Variants in OTOG observed in about 807,000 individuals in gnomAD.
OTOG encodes otogelin.
Under a neutral mutation model 313.8 loss-of-function variants are expected in OTOG, and 296 were observed. The ratio of observed to expected loss-of-function variants is 0.94; its 90% confidence interval spans 0.86 to 1.04. The LOEUF (loss-of-function observed/expected upper bound fraction) is 1.04, where lower values mean the gene tolerates loss of function less well. Ranked by LOEUF, OTOG falls within the 50% of genes least tolerant of loss-of-function variation. OTOG has a pLI of 0.00. For synonymous variants in OTOG, 1,533 were observed against 1,554.9 expected (o/e 0.99, Z 0.33); for missense variants, 3,948 against 3,840.1 (o/e 1.03, Z -0.74).
chr11:17,551,951 C>G, intron 3 of OTOG, 49 bp from the exon 4 acceptor site: 1 of 1,516,518 alleles, frequency 6.6e-7, no homozygotes, highest in South Asian at 1.2e-5. Flanking sequence ...CCTGGGAACC[C>G]GTCCTGAGGT....
intron 40 of OTOG, among the ~76,000 whole-genome samples, chr11:17,631,180 G>A (rs1267941331): frequency 6.6e-6 from 1 of 152,164 alleles, no homozygotes; most frequent in African/African-American, 2.4e-5. Flanking sequence ...TGACTGCCCA[G>A]GAAAAAGAAG....
chr11:17,623,988 G>A (rs1031165441), intron 39 of OTOG, among the ~76,000 whole-genome samples: 1 of 152,060 alleles, frequency 6.6e-6, no homozygotes, highest in Non-Finnish European at 1.5e-5. Context: ...AGTTTTTAAT[G>A]GGGTAGTTTG....
At position 17,593,531 on chromosome 11, in the gene OTOG, G is replaced by A. The variant is rs896412752; in HGVS notation, c.3142-79G>A. ...GTATGAGGGAGGCAGAGGCATTGGT[G>A]AGGGCCTGGCTGCAGGCATAGCTGA... is the stretch of plus-strand genomic sequence containing the variant. On this transcript the variant is annotated intron_variant, in intron 26 of 55. Transcript: ENST00000399397. 7.2e-6 allele frequency: 11 copies of A among 1,518,238 alleles called. No individual in the cohort carries two copies. The African/African-American group carries it at 1.2e-4, about 17-fold the overall frequency. The allele number at this position is 1,518,238 out of a possible 1,614,324, so 94.0% of individuals were successfully genotyped here. A position where few individuals can be genotyped will look rare whatever the true frequency, so the allele number is the denominator to read the frequency against.
At chr11:17,629,506 A>G (rs571916703) in intron 40 of OTOG, among the ~76,000 whole-genome samples, 190 bp downstream of exon 40, 1 of 152,232 alleles carries the variant, frequency 6.6e-6, no homozygotes, top group Non-Finnish European at 1.5e-5. Context: ...GGGAGATAGT[A>G]GAGGGCTCTG....
intron 47 of OTOG, among the ~76,000 whole-genome samples, chr11:17,637,489 G>A (rs1193894164): frequency 1.3e-5 from 2 of 152,090 alleles, no homozygotes; most frequent in Non-Finnish European, 2.9e-5. Context: ...CTTTCTTTTG[G>A]AGCTGCTTAC....
In OTOG at chr11:17,576,906, C is replaced by T; in HGVS notation, c.2600C>T (p.Ala867Val). Residue 867 changes from alanine (A) to valine (V), a missense_variant, in exon 22 of 56, where the codon GCC becomes GTC. Transcript: ENST00000399397. ...GGAGTCATGAGCTGTGATAGCAGAG[C>T]CCCAGGTAAGGGTGGGTGGAGGGGT... The part of the protein sequence containing the change: ...KDGVMSCDSR[A>V]PAAACPAGQV... 1.9e-6 allele frequency: 3 copies of T among 1,550,412 alleles called. No homozygotes were observed.
intron 3 of OTOG, among the ~76,000 whole-genome samples, chr11:17,549,382 A>G (rs903317510): frequency 1.3e-5 from 2 of 152,228 alleles, no homozygotes; most frequent in South Asian, 4.1e-4. Flanking sequence ...GAAGACCCCA[A>G]GGTGGAGTGA....
At chr11:17,548,402 G>A (rs1353131203) in intron 3 of OTOG, among the ~76,000 whole-genome samples, 190 bp downstream of exon 3, 1 of 135,312 alleles carries the variant, frequency 7.4e-6, no homozygotes, top group Non-Finnish European at 1.5e-5. Context: ...AATCTCTTGG[G>A]GGTCTATAGT....
At chr11:17,635,024 C>T (rs1474533118) in intron 45 of OTOG, 56 bp from the exon 46 acceptor site, 2 of 1,533,482 alleles carry the variant, frequency 1.3e-6, no homozygotes, top group African/African-American at 2.8e-5. Flanking sequence ...GGGCAGGGGC[C>T]CAGGGGTGGC....
At chr11:17,628,874 C>G (rs926922451) in intron 39 of OTOG, among the ~76,000 whole-genome samples, 1 of 152,238 alleles carries the variant, frequency 6.6e-6, no homozygotes, top group African/African-American at 2.4e-5. Context: ...TAAGATGCAG[C>G]TTGCCTCCTG....
chr11:17,572,711 C>T (rs1852431288), intron 18 of OTOG, among the ~76,000 whole-genome samples: 1 of 152,254 alleles, frequency 6.6e-6, no homozygotes, highest in African/African-American at 2.4e-5. Context: ...TGAGGCCTTC[C>T]TGACTGCCTG....
chr11:17,611,042 C>G lies in OTOG; in HGVS notation c.5742C>G (p.Ser1914=). 1 of 1,550,604 alleles carries G rather than the reference C, an allele frequency of 6.4e-7. No homozygotes were observed. ...CCACAGGGAAGGTGGCCATCCTATC[C>G]AAGCAAGTGTCTCTGCCCACTTCCA... The part of the protein sequence containing the change: ...KSTTGKVAIL[S]KQVSLPTSMY... Residue 1914 remains serine, a synonymous_variant, in exon 36 of 56, where the codon TCC becomes TCG. Coordinates refer to ENST00000399397, the MANE Select transcript of OTOG (RefSeq NM_001292063.2).
At chr11:17,581,257 C>T (rs969494525) in intron 23 of OTOG, among the ~76,000 whole-genome samples, 1 of 152,162 alleles carries the variant, frequency 6.6e-6, no homozygotes, top group Non-Finnish European at 1.5e-5. Flanking sequence ...GCCTCCAGAT[C>T]CCCTATTGCT....
chr11:17,596,133 G>A lies in OTOG; in HGVS notation c.3504G>A (p.Val1168=), dbSNP rs1565109351. 1.3e-6 allele frequency: 2 copies of A among 1,550,450 alleles called. No individual in the cohort carries two copies. Among genetic ancestry groups the A allele is most frequent in the Non-Finnish European group, 1.7e-6 (2 of 1,146,860 alleles). ...AGTGCAGCATCCTGCTCAGTGAGGT[G>A]TTTGAGATCTGCCACCCTGTGGTGA... ...KKECSILLSE[V]FEICHPVVDV... The change falls in exon 29 of 56, where the codon GTG becomes GTA. Residue 1168 remains valine (V), a synonymous_variant. Transcript: ENST00000399397.
chr11:17,583,534 G>T (rs536972929), intron 23 of OTOG, among the ~76,000 whole-genome samples: 1 of 152,076 alleles, frequency 6.6e-6, no homozygotes, highest in Non-Finnish European at 1.5e-5. Context: ...TTTTATTTTT[G>T]ATGGACATCC....
intron 54 of OTOG, 65 bp from the exon 55 acceptor site, chr11:17,645,499 C>T (rs1433709080): frequency 3.4e-6 from 5 of 1,481,198 alleles, no homozygotes; most frequent in Admixed American, 4.0e-5. Context: ...CCTGGGCTGG[C>T]CCATCCTGCT....
chr11:17,586,084 TG>T (rs1334513265), intron 23 of OTOG, among the ~76,000 whole-genome samples: 3 of 152,162 alleles, frequency 2.0e-5, no homozygotes, highest in African/African-American at 7.2e-5. Flanking sequence ...ACTGCTGCTT[TG>T]GGGCCTGTGG....
chr11:17,574,892 G>C lies in OTOG; in HGVS notation c.2466G>C (p.Gln822His). ...ACPPDTYLDT[Q>H]ADLCVPRNQC... is the part of the protein sequence containing the mutation. ...CACCGGACACCTATCTGGACACCCA[G>C]GCTGACCTCTGTGTCCCCCGGTGAG... The change falls in exon 20 of 56, where the codon CAG (glutamine) becomes CAC (histidine). Residue 822 changes from glutamine to histidine, a missense_variant. Transcript: ENST00000399397. 1 of 1,526,136 alleles carries C rather than the reference G, an allele frequency of 6.6e-7. No individual in the cohort carries two copies. Among genetic ancestry groups the C allele is most frequent in the Non-Finnish European group, 8.8e-7 (1 of 1,133,200 alleles). 94.5% of individuals were successfully genotyped at this position (1,526,136 alleles called of 1,614,324 possible). A position where few individuals can be genotyped will look rare whatever the true frequency, so the allele number is the denominator to read the frequency against.
intron 23 of OTOG, 60 bp from the exon 24 acceptor site, chr11:17,586,414 C>T: frequency 9.2e-7 from 1 of 1,082,472 alleles, no homozygotes; most frequent in South Asian, 3.1e-5. Context: ...CAGGGTCCTC[C>T]ACAGATGGCA....
Sources: gnomAD v4.1 joint callset for allele counts (sites outside exome capture counted in the v4.1 genomes callset) on GRCh38, gnomAD v4.1.1 for gene constraint, MANE v1.5 for transcripts, NCBI Gene and HGNC (gene_info 2026-07-23, HGNC 2026-07-21) for gene names.